RPAP2: variants seen among roughly 807,000 people sequenced by gnomAD.
The protein encoded by RPAP2 is RNA polymerase II associated protein 2.
RPAP2 carries 52 observed loss-of-function variants against 73.1 expected under a neutral mutation model. That is an observed-to-expected ratio of 0.71 (90% confidence interval 0.57 to 0.90). The LOEUF is 0.90. Ranked by LOEUF, RPAP2 falls within the 40% of genes least tolerant of loss-of-function variation. The pLI, the probability that RPAP2 is intolerant of heterozygous loss-of-function variation, is 0.00. For synonymous variants in RPAP2, 225 were observed against 242.1 expected, an observed-to-expected ratio of 0.93 and a Z score of 0.65; for missense variants, 598 against 701.8, an observed-to-expected ratio of 0.85 and a Z score of 1.67.
chr1:92,373,019 G>A (rs1213726946), intron 11 of RPAP2, among the ~76,000 whole-genome samples: 2 of 152,210 alleles, frequency 1.3e-5, no homozygotes, highest in African/African-American at 4.8e-5. Context: ...AGTAATTATT[G>A]ATGATCTACA....
chr1:92,371,902 A>AC (rs1423105069), intron 11 of RPAP2, among the ~76,000 whole-genome samples: 1 of 151,340 alleles, frequency 6.6e-6, no homozygotes, highest in African/African-American at 2.4e-5. Flanking sequence ...AAAAAAAAAA[A>AC]AAAAAACCAG....
chr1:92,372,386 A>G (rs1655192832), intron 11 of RPAP2, among the ~76,000 whole-genome samples: 1 of 152,230 alleles, frequency 6.6e-6, no homozygotes, highest in Non-Finnish European at 1.5e-5. Flanking sequence ...ACATAGCACT[A>G]TTCATGCTTA....
At chr1:92,339,120 A>G (rs1333512082) in intron 10 of RPAP2, among the ~76,000 whole-genome samples, 1 of 152,124 alleles carries the variant, frequency 6.6e-6, no homozygotes, top group East Asian at 1.9e-4. Flanking sequence ...TTTTAGAACA[A>G]TATTTTTCTA....
At chr1:92,331,726 A>G (rs1025878093) in intron 8 of RPAP2, among the ~76,000 whole-genome samples, 4 of 152,096 alleles carry the variant, frequency 2.6e-5, no homozygotes, top group Non-Finnish European at 5.9e-5. Flanking sequence ...TATTCAATTA[A>G]TTACTCTTTC....
At position 92,324,239 on chromosome 1, in the gene RPAP2, G is replaced by A. The variant is rs903936846; in HGVS notation, c.1319G>A (p.Gly440Asp). ...LDESLPFRGS[G>D]TAIKPLPSYE... The stretch of plus-strand genomic sequence containing the variant: ...GAGTCTTTACCTTTTAGGGGCTCAG[G>A]TACAGCCATTAAACCACTGCCAAGT... Residue 440 changes from glycine to aspartate, a missense_variant, in exon 8 of 13, where the codon GGT (glycine) becomes GAT (aspartate). Physicochemically the swap from Gly to Asp is moderately conservative, Grantham distance 94. Transcript: ENST00000610020. 6 of 1,613,864 alleles carry A rather than the reference G, an allele frequency of 3.7e-6. No homozygotes were observed. The highest frequency in any genetic ancestry group is 1.1e-5 in the South Asian group (1 of 91,080).
chr1:92,320,522 AGCCTCCGAAAGT>A (rs2101162689), intron 6 of RPAP2, 65 bp from the exon 7 acceptor site: 1 of 1,169,134 alleles, frequency 8.6e-7, no homozygotes, highest in South Asian at 1.3e-5. Context: ...CCGCCTGCCC[AGCCTCCGAAAGT>A]GCTGGGGTTA....
intron 8 of RPAP2, among the ~76,000 whole-genome samples, chr1:92,331,210 T>G (rs1279380047): frequency 6.6e-6 from 1 of 152,234 alleles, no homozygotes; most frequent in Non-Finnish European, 1.5e-5. Flanking sequence ...CCTTTCTATT[T>G]GCTTTTTTTC....
chr1:92,399,003 C>G lies in RPAP2; in HGVS notation c.*11992C>G, dbSNP rs1218859435. The G allele has an allele frequency of 6.6e-6, 1 of 152,172 alleles. No individual in the cohort carries two copies. The highest frequency in any genetic ancestry group is 1.5e-5 in the Non-Finnish European group (1 of 68,034). The allele number at this position is 152,172 out of a possible 1,614,324, so 9.4% of individuals were successfully genotyped here. A position where few individuals can be genotyped will look rare whatever the true frequency, so the allele number is the denominator to read the frequency against. ...AGGCCTTTGCCTGTCCTTCCCTCAG[C>G]AAAAATACTGTGTTTTGGAAAACAT... On this transcript the variant is annotated 3_prime_UTR_variant, in exon 13 of 13. Coordinates refer to ENST00000610020, the MANE Select transcript of RPAP2 (RefSeq NM_024813.3).
chr1:92,322,947 T>C (rs1282156855), intron 7 of RPAP2, among the ~76,000 whole-genome samples: 1 of 147,594 alleles, frequency 6.8e-6, no homozygotes, highest in Non-Finnish European at 1.5e-5. Flanking sequence ...TTATATATTA[T>C]ATATAATATA....
Position 92,388,591 on chromosome 1 carries a change from G to A in RPAP2, c.*1580G>A, listed in dbSNP as rs557016651. ...TCGCCTCACCTGGGAAGCGCCAAGG[G>A]GTCGGGGGATTTCCCTTTCCTAGCC... On this transcript the variant is annotated 3_prime_UTR_variant, in exon 13 of 13. Coordinates refer to ENST00000610020, the MANE Select transcript of RPAP2 (RefSeq NM_024813.3). The A allele has an allele frequency of 2.0e-5, 3 of 152,262 alleles. No individual in the cohort carries two copies. The highest frequency in any genetic ancestry group is 2.0e-4 in the Admixed American group (3 of 15,274). The allele number at this position is 152,262 out of a possible 1,614,324, so 9.4% of individuals were successfully genotyped here. A position where few individuals can be genotyped will look rare whatever the true frequency, so the allele number is the denominator to read the frequency against.
chr1:92,308,003 T>A (rs560589703), intron 6 of RPAP2, among the ~76,000 whole-genome samples: 229 of 152,110 alleles, frequency 1.5e-3, no homozygotes, highest in African/African-American at 5.3e-3. Flanking sequence ...TTACTTGTGG[T>A]AAGGTAGGAC....
rs565209839 is a variant in RPAP2, at chr1:92,387,116, G to A, written c.*105G>A. ...TGACTGATAACTAGTTTTATTCCAA[G>A]ACATACCTTTACCTCTTTAAGTTTC... On this transcript the variant is annotated 3_prime_UTR_variant, in exon 13 of 13. Transcript: ENST00000610020. The A allele has an allele frequency of 9.2e-5, 110 of 1,192,202 alleles. 1 individual carries two copies. Among genetic ancestry groups the A allele is most frequent in the South Asian group, 9.2e-4 (55 of 59,642 alleles). The allele number at this position is 1,192,202 out of a possible 1,614,324, so 73.9% of individuals were successfully genotyped here.
rs1488005114 is a variant in RPAP2, at chr1:92,388,539, G to A, written c.*1528G>A. The A allele has an allele frequency of 3.3e-5, 5 of 152,286 alleles. No homozygotes were observed. Among genetic ancestry groups the A allele is most frequent in the Admixed American group, 3.3e-4 (5 of 15,286 alleles). 9.4% of individuals were successfully genotyped at this position (152,286 alleles called of 1,614,324 possible). A position where few individuals can be genotyped will look rare whatever the true frequency, so the allele number is the denominator to read the frequency against. On this transcript the variant is annotated 3_prime_UTR_variant, in exon 13 of 13. Transcript: ENST00000610020. The stretch of plus-strand genomic sequence containing the variant: ...GGCTGGACAGTGGGTGTAGCCCACA[G>A]AGGGTTAGCCGAAGCAAGGTGGGGC...
chr1:92,307,765 A>C (rs978975624), intron 6 of RPAP2, among the ~76,000 whole-genome samples: 7 of 151,688 alleles, frequency 4.6e-5, no homozygotes, highest in Non-Finnish European at 7.4e-5. Flanking sequence ...GCAATGCTGG[A>C]GTTTAGCCTC....
rs375025190 is a variant in RPAP2, at chr1:92,355,818, G to A, written c.1688+9904G>A. On this transcript the variant is annotated intron_variant, in intron 11 of 12. Coordinates refer to ENST00000610020, the MANE Select transcript of RPAP2 (RefSeq NM_024813.3). Reference sequence around the variant, plus strand: ...TTTTTGGATTAGGGATGTTCAACCGGTAAGTATAATGCAAGTATTCCAAAA... The same window carrying A: ...TTTTTGGATTAGGGATGTTCAACCGATAAGTATAATGCAAGTATTCCAAAA... 1.1e-3 allele frequency among the ~76,000 whole-genome samples: 172 copies of A among 152,272 alleles called. 1 individual carries two copies. The South Asian group carries it at 0.013, about 11-fold the overall frequency.
chr1:92,375,282 A>G (rs996660997), intron 11 of RPAP2, among the ~76,000 whole-genome samples: 1 of 152,234 alleles, frequency 6.6e-6, no homozygotes, highest in Non-Finnish European at 1.5e-5. Flanking sequence ...TTATTCATGT[A>G]TACATCGCCT....
intron 7 of RPAP2, among the ~76,000 whole-genome samples, chr1:92,321,202 T>G (rs1468999819): frequency 6.6e-6 from 1 of 152,200 alleles, no homozygotes; most frequent in Non-Finnish European, 1.5e-5. Context: ...TAAGAGATAT[T>G]TATTTATTGA....
chr1:92,363,889 TATAAC>T (rs1443553749), intron 11 of RPAP2: 1 of 163,266 alleles, frequency 6.1e-6, no homozygotes, highest in Non-Finnish European at 1.3e-5. Context: ...ATTATAAGCA[TATAAC>T]ATAAAATATG....
rs1302488204 is a variant in RPAP2, at chr1:92,401,406, T to C, written c.*14395T>C. Reference sequence around the variant, plus strand: ...GGAATAAGGACCATTTTTAGGACAATACTTTCCCTACTACTTAGTTCTAGT... The same window carrying C: ...GGAATAAGGACCATTTTTAGGACAACACTTTCCCTACTACTTAGTTCTAGT... On this transcript the variant is annotated 3_prime_UTR_variant, in exon 13 of 13. Transcript: ENST00000610020. The C allele has an allele frequency of 6.6e-6, 1 of 152,160 alleles. No homozygotes were observed. The highest frequency in any genetic ancestry group is 1.5e-5 in the Non-Finnish European group (1 of 68,028). 9.4% of individuals were successfully genotyped at this position (152,160 alleles called of 1,614,324 possible). A position where few individuals can be genotyped will look rare whatever the true frequency, so the allele number is the denominator to read the frequency against.
Sources: gnomAD v4.1 joint callset for allele counts (sites outside exome capture counted in the v4.1 genomes callset) on GRCh38, gnomAD v4.1.1 for gene constraint, MANE v1.5 for transcripts, NCBI Gene and HGNC (gene_info 2026-07-23, HGNC 2026-07-21) for gene names.